Variants in NBAS observed in about 807,000 individuals in gnomAD.
NBAS encodes the protein NAG/BC035112 fusion.
In NBAS, 219 loss-of-function variants were observed where a neutral mutation model predicts 302.5. That is an observed-to-expected ratio of 0.72 (90% confidence interval 0.65 to 0.81). NBAS has a LOEUF of 0.81. Among genes scored for constraint, NBAS ranks in the 30% least tolerant of loss-of-function variants. NBAS has a pLI of 0.00. For synonymous variants in NBAS, 1,118 were observed against 1,021.6 expected (o/e 1.09, Z -1.80); for missense variants, 2,932 against 2,841.6 (o/e 1.03, Z -0.72).
the NBAS span, among the ~76,000 whole-genome samples, chr2:14,836,440 T>A: frequency 6.6e-6 from 1 of 151,902 alleles, no homozygotes; most frequent in Non-Finnish European, 1.5e-5. Context: ...GGTCTATGAT[T>A]TATCTGGAAT....
the NBAS span, among the ~76,000 whole-genome samples, chr2:14,844,019 G>C: frequency 6.6e-6 from 1 of 152,132 alleles, no homozygotes; most frequent in Non-Finnish European, 1.5e-5. Flanking sequence ...ATTGGGCTCA[G>C]AGCCAGTGAA....
chr2:15,364,583 T>C (rs1324898299), intron 32 of NBAS, among the ~76,000 whole-genome samples: 1 of 152,122 alleles, frequency 6.6e-6, no homozygotes, highest in Non-Finnish European at 1.5e-5. Context: ...CCTGGAGCAC[T>C]GACTCCAGGA....
At chr2:15,149,287 A>C in the NBAS span, among the ~76,000 whole-genome samples, 1 of 152,244 alleles carries the variant, frequency 6.6e-6, no homozygotes, top group African/African-American at 2.4e-5. Context: ...ATGACACAGC[A>C]AGAAGGCTCT....
chr2:15,102,329 T>C, the NBAS span, among the ~76,000 whole-genome samples: 1 of 152,198 alleles, frequency 6.6e-6, no homozygotes, highest in Non-Finnish European at 1.5e-5. Context: ...AGGAGCATCC[T>C]GCTGTCAGGA....
rs202159350 is a variant in NBAS at position 15,349,789 on chromosome 2, AAAAT to A, written c.4179+2199_4179+2202del. On this transcript the variant is annotated intron_variant, in intron 35 of 51. Coordinates refer to ENST00000281513, the MANE Select transcript of NBAS (RefSeq NM_015909.4). The stretch of plus-strand genomic sequence containing the variant: ...GCCAACAGAGTGAAACCTCATCTCA[AAAAT>A]AAATAAATTAATTAAATACATTTAA... Among the ~76,000 whole-genome samples, 1,287 of 152,314 alleles carry A rather than the reference AAAAT, an allele frequency of 8.4e-3. 18 individuals are homozygous for A. Among genetic ancestry groups the A allele is most frequent in the East Asian group, 0.059 (304 of 5,186 alleles).
At chr2:15,095,134 T>G in the NBAS span, among the ~76,000 whole-genome samples, 1 of 152,194 alleles carries the variant, frequency 6.6e-6, no homozygotes. Flanking sequence ...CCTGCTTATT[T>G]TTATTAAAGA....
chr2:15,385,246 G>A (rs770819023), intron 28 of NBAS, among the ~76,000 whole-genome samples: 1 of 152,154 alleles, frequency 6.6e-6, no homozygotes, highest in Non-Finnish European at 1.5e-5. Context: ...TCAAAAAACT[G>A]GAGGGCTCTT....
At chr2:14,935,604 G>A in the NBAS span, among the ~76,000 whole-genome samples, 1 of 152,164 alleles carries the variant, frequency 6.6e-6, no homozygotes, top group South Asian at 2.1e-4. Context: ...TGACAGTTGT[G>A]TAAGTCTGTT....
chr2:15,120,993 A>G, the NBAS span, among the ~76,000 whole-genome samples: 1 of 152,058 alleles, frequency 6.6e-6, no homozygotes, highest in Non-Finnish European at 1.5e-5. Flanking sequence ...CACCTTTTAT[A>G]TTCTTTTTTG....
intron 42 of NBAS, among the ~76,000 whole-genome samples, chr2:15,284,211 A>C (rs1669945435): frequency 6.6e-6 from 1 of 152,164 alleles, no homozygotes; most frequent in East Asian, 1.9e-4. Context: ...TGTTCATGAG[A>C]ATTATCTCTG....
chr2:15,011,504 C>T, the NBAS span, among the ~76,000 whole-genome samples: 2 of 152,160 alleles, frequency 1.3e-5, no homozygotes, highest in East Asian at 1.9e-4. Flanking sequence ...CCCTGATAGG[C>T]ATGTCCCTAG....
At chr2:15,000,974 C>T in the NBAS span, among the ~76,000 whole-genome samples, 4 of 152,184 alleles carry the variant, frequency 2.6e-5, no homozygotes, top group African/African-American at 9.7e-5. Context: ...ACAGCCAGTA[C>T]ATGATGGGAA....
In NBAS at chr2:15,397,738, G is replaced by A. The variant is rs180872675; in HGVS notation, c.3072-1263C>T. On this transcript the variant is annotated intron_variant, in intron 26 of 51. Coordinates refer to ENST00000281513, the MANE Select transcript of NBAS (RefSeq NM_015909.4). ...TGCAGTGAACAGGCTGCATGTGGCT[G>A]TGGCCCTTTTTGGCATGACCGTTGT... is the stretch of plus-strand genomic sequence containing the variant. 178 of 326,728 alleles carry A rather than the reference G, an allele frequency of 5.4e-4. 1 individual carries two copies. Among genetic ancestry groups the A allele is most frequent in the African/African-American group, 3.9e-3 (177 of 45,678 alleles). The allele number at this position is 326,728 out of a possible 1,614,324, so 20.2% of individuals were successfully genotyped here. A position where few individuals can be genotyped will look rare whatever the true frequency, so the allele number is the denominator to read the frequency against.
At chr2:15,164,871 A>C (rs960956144), downstream of NBAS, among the ~76,000 whole-genome samples, 1 of 152,060 alleles carries the variant, frequency 6.6e-6, no homozygotes, top group Admixed American at 6.6e-5. Flanking sequence ...AAACCTTTTA[A>C]ATTTGGTTTC....
chr2:14,897,156 G>C, the NBAS span, among the ~76,000 whole-genome samples: 2 of 151,974 alleles, frequency 1.3e-5, no homozygotes, highest in African/African-American at 4.8e-5. Flanking sequence ...GCGAGCAGGT[G>C]GCAAAGCTGG....
At chr2:15,519,582 G>A (rs1486832826) in intron 9 of NBAS, among the ~76,000 whole-genome samples, 1 of 152,038 alleles carries the variant, frequency 6.6e-6, no homozygotes, top group Non-Finnish European at 1.5e-5. Context: ...GGGAATACAG[G>A]CACATGCATG....
At chr2:15,229,789 A>AAAAAG (rs1056387440) in intron 47 of NBAS, among the ~76,000 whole-genome samples, 4 of 152,054 alleles carry the variant, frequency 2.6e-5, no homozygotes, top group Non-Finnish European at 5.9e-5. Context: ...CGTAAAAAAA[A>AAAAAG]AAAAGAAAAG....
chr2:15,551,408 T>A lies in NBAS; in HGVS notation c.379+85A>T, dbSNP rs1664378177. ...ATGATAATCCTTGTTAATAAATATT[T>A]AATATCTATTCTAACTTTTAAGAAA... On this transcript the variant is annotated intron_variant, in intron 6 of 51. Transcript: ENST00000281513. 1.1e-5 allele frequency: 9 copies of A among 834,078 alleles called. No homozygotes were observed. The South Asian group carries it at 1.7e-4, about 16-fold the overall frequency. The allele number at this position is 834,078 out of a possible 1,614,324, so 51.7% of individuals were successfully genotyped here. A position where few individuals can be genotyped will look rare whatever the true frequency, so the allele number is the denominator to read the frequency against.
At chr2:15,530,686 A>C (rs1663173992) in intron 9 of NBAS, among the ~76,000 whole-genome samples, 1 of 152,070 alleles carries the variant, frequency 6.6e-6, no homozygotes. Context: ...ATTACAGGTC[A>C]TTCTAAGAGA....
Sources: allele counts gnomAD v4.1 joint callset (sites outside exome capture counted in the v4.1 genomes callset), GRCh38; gene constraint gnomAD v4.1.1; transcripts MANE v1.5; gene names NCBI Gene and HGNC (gene_info 2026-07-23, HGNC 2026-07-21).